PTPN7: variants seen among roughly 807,000 people sequenced by gnomAD.
The protein encoded by PTPN7 is protein tyrosine phosphatase non-receptor type 7.
Under a neutral mutation model 50.3 loss-of-function variants are expected in PTPN7, and 33 were observed. The observed-to-expected ratio is 0.66, with a 90% confidence interval of 0.50 to 0.88. The LOEUF is 0.88. PTPN7 is among the 40% of genes least tolerant of loss of function. The probability of loss-of-function intolerance (pLI) is 0.00; values close to 1 mark genes in which losing one functional copy is unlikely to be tolerated. For missense variants in PTPN7, 412 were observed against 475.4 expected (o/e 0.87, Z 1.24); for synonymous variants, 185 against 186.6 (o/e 0.99, Z 0.07).
rs1282153071 is a variant in PTPN7 at position 202,152,668 on chromosome 1, A to T, written c.749T>A (p.Ile250Asn). 3 of 1,613,838 alleles carry T rather than the reference A, an allele frequency of 1.9e-6. No homozygotes were observed. Among genetic ancestry groups the T allele is most frequent in the Non-Finnish European group, 1.7e-6 (2 of 1,179,992 alleles). The stretch of plus-strand genomic sequence containing the variant: ...ATGGTCTGGCCAGGCCGAAAAGAGG[A>T]TGTGCTTTACTGACCGGCGCTCTTC... ...YQEERRSVKH[I>N]LFSAWPDHQT... is the part of the protein sequence containing the mutation. Residue 250 changes from isoleucine (I) to asparagine (N), a missense_variant, in exon 8 of 10, where the codon ATC (isoleucine) becomes AAC (asparagine). Physicochemically the swap from Ile to Asn is moderately radical, Grantham distance 149. Transcript: ENST00000691036.
At chr1:202,150,134 T>C (rs1048555913) in intron 9 of PTPN7, 177 bp downstream of exon 9, 3 of 581,552 alleles carry the variant, frequency 5.2e-6, no homozygotes, top group African/African-American at 3.7e-5. Flanking sequence ...CACCCGGCCA[T>C]CCAGATAGAT....
chr1:202,161,519 C>T (rs984925297), upstream of PTPN7: 7 of 1,289,522 alleles, frequency 5.4e-6, no homozygotes, highest in African/African-American at 1.1e-4. Flanking sequence ...CCCTGCCTGA[C>T]CTTGGCAGGC....
intron 4 of PTPN7, among the ~76,000 whole-genome samples, chr1:202,156,573 T>C (rs1656682158): frequency 6.6e-6 from 1 of 152,212 alleles, no homozygotes; most frequent in African/African-American, 2.4e-5. Flanking sequence ...AGCCTGGTCA[T>C]GGACAGAAGG....
chr1:202,150,530 T>G, intron 8 of PTPN7, 106 bp from the exon 9 acceptor site: 1 of 855,330 alleles, frequency 1.2e-6, no homozygotes, highest in Middle Eastern at 3.5e-4. Context: ...GTGCTATATT[T>G]TGGGGATAGG....
intron 7 of PTPN7, 32 bp from the exon 8 acceptor site, chr1:202,152,731 T>A: frequency 6.2e-7 from 1 of 1,610,436 alleles, no homozygotes; most frequent in Non-Finnish European, 8.5e-7. Context: ...AGAACCAAGG[T>A]CAGGGTGGAG....
Position 202,158,158 on chromosome 1 carries a change from C to T in PTPN7, c.266G>A (p.Arg89His), listed in dbSNP as rs766874694. Residue 89 changes from arginine (R) to histidine (H), a missense_variant, in exon 3 of 10, where the codon CGC (arginine) becomes CAC (histidine). By Grantham distance (29) the Arg-to-His change is conservative. Transcript: ENST00000691036. ...CAGTTGCTTGGGGCTGGGTGGCTGG[C>T]GCTGAAGGGCCCAGCGGGTAAGGGG... Reference protein sequence around the residue: ...GHPLTRWALQRQPPSPKQLEE... With the variant: ...GHPLTRWALQHQPPSPKQLEE... The T allele has an allele frequency of 5.6e-6, 9 of 1,607,034 alleles. No individual in the cohort carries two copies. Among genetic ancestry groups the T allele is most frequent in the African/African-American group, 2.7e-5 (2 of 74,562 alleles).
At chr1:202,156,215 C>T (rs1262242986) in intron 4 of PTPN7, among the ~76,000 whole-genome samples, 2 of 152,132 alleles carry the variant, frequency 1.3e-5, no homozygotes, top group Admixed American at 1.3e-4. Flanking sequence ...GGGAACGGAA[C>T]AGCAGAGACC....
chr1:202,155,071 C>G (rs1216460252), intron 5 of PTPN7, among the ~76,000 whole-genome samples: 1 of 152,164 alleles, frequency 6.6e-6, no homozygotes, highest in Non-Finnish European at 1.5e-5. Flanking sequence ...CGTGGAACAC[C>G]CACCTGGCCT....
rs545079797 is a variant in PTPN7 at position 202,155,754 on chromosome 1, T to C, written c.392-145A>G. 60 of 650,648 alleles carry C rather than the reference T, an allele frequency of 9.2e-5. 1 individual carries two copies. In the South Asian group the frequency reaches 1.1e-3, roughly 12 times the overall value. 40.3% of individuals were successfully genotyped at this position (650,648 alleles called of 1,614,324 possible). ...GCAGGTGGCCTTACACCCACTGAAG[T>C]TGTTGTTTTTGTTGTTGTTTTTAGA... On this transcript the variant is annotated intron_variant, in intron 4 of 9. Coordinates refer to ENST00000691036, the MANE Select transcript of PTPN7 (RefSeq NM_002832.4).
At position 202,152,713 on chromosome 1, in the gene PTPN7, A is replaced by G. The variant is rs16849719; in HGVS notation, c.718-14T>C. ...CTCTTCCTGGTACTGGATTGGAGAC[A>G]AGGCATGAGAACCAAGGTCAGGGTG... On this transcript the variant is annotated splice_polypyrimidine_tract_variant and intron_variant, in intron 7 of 9. Coordinates refer to ENST00000691036, the MANE Select transcript of PTPN7 (RefSeq NM_002832.4). 15,792 of 1,613,394 alleles carry G rather than the reference A, an allele frequency of 9.8e-3. 445 individuals are homozygous for G. The highest frequency in any genetic ancestry group is 0.07 in the South Asian group (6,404 of 91,038).
At position 202,153,759 on chromosome 1, in the gene PTPN7, C is replaced by T; in HGVS notation, c.683G>A (p.Cys228Tyr). ...GAGCTGCCGCACAGTGTATTCTGGG[C>T]ACTCTTTCATGTCCTGGATGCGGAT... The part of the protein sequence containing the change: ...FQIRIQDMKE[C>Y]PEYTVRQLTI... Residue 228 changes from cysteine (C) to tyrosine (Y), a missense_variant, in exon 7 of 10, where the codon TGC (cysteine) becomes TAC (tyrosine). Physicochemically the swap from Cys to Tyr is radical, Grantham distance 194. Transcript: ENST00000691036. The T allele has an allele frequency of 6.2e-7, 1 of 1,614,106 alleles. No individual in the cohort carries two copies. Among genetic ancestry groups the T allele is most frequent in the Non-Finnish European group, 8.5e-7 (1 of 1,180,008 alleles).
At chr1:202,154,634 A>G (rs1477976245) in intron 5 of PTPN7, among the ~76,000 whole-genome samples, 2 of 152,216 alleles carry the variant, frequency 1.3e-5, no homozygotes, top group East Asian at 1.9e-4. Flanking sequence ...TGTAGAGTGG[A>G]TTAAATTCAG....
intron 4 of PTPN7, among the ~76,000 whole-genome samples, chr1:202,156,806 G>A (rs1656711766): frequency 6.6e-6 from 1 of 152,198 alleles, no homozygotes; most frequent in Admixed American, 6.5e-5. Context: ...GCTGGGAGTA[G>A]CTTCCCTGTA....
chr1:202,154,043 A>T, intron 6 of PTPN7, 143 bp downstream of exon 6: 1 of 1,252,872 alleles, frequency 8.0e-7, no homozygotes, highest in Non-Finnish European at 1.1e-6. Context: ...CCAGGGCTAT[A>T]TCTCAGGGAA....
chr1:202,159,217 A>G lies in PTPN7; in HGVS notation c.122+64T>C. 2 of 1,519,680 alleles carry G rather than the reference A, an allele frequency of 1.3e-6. No homozygotes were observed. The allele number at this position is 1,519,680 out of a possible 1,614,324, so 94.1% of individuals were successfully genotyped here. ...TGTCAGAGCTGGAGGGGCAGATGGAAGGAAGGGAGGAGCGGAATGGGGGCT... is the reference window on the plus strand; with the variant it reads ...TGTCAGAGCTGGAGGGGCAGATGGAGGGAAGGGAGGAGCGGAATGGGGGCT... On this transcript the variant is annotated intron_variant, in intron 2 of 9. Coordinates refer to ENST00000691036, the MANE Select transcript of PTPN7 (RefSeq NM_002832.4). This position sits in a 1 kb window ranked among gnomAD's most constrained non-coding sequence, Gnocchi z 4.6.
chr1:202,159,416 G>A lies in PTPN7; in HGVS notation c.-14C>T. 1 of 1,614,178 alleles carries A rather than the reference G, an allele frequency of 6.2e-7. No individual in the cohort carries two copies. The highest frequency in any genetic ancestry group is 1.1e-5 in the South Asian group (1 of 91,092). ...GGCTTGGACCATGCTGAGGTGGGGT[G>A]CTGGGCCCAGGGGAGGCTCACTCAG... On this transcript the variant is annotated 5_prime_UTR_variant, in exon 2 of 10. Transcript: ENST00000691036. This position sits in a 1 kb window ranked among gnomAD's most constrained non-coding sequence, Gnocchi z 4.6.
rs759890321 is a variant in PTPN7, at chr1:202,150,320, C to T, written c.980G>A (p.Arg327Gln). 9 of 1,610,832 alleles carry T rather than the reference C, an allele frequency of 5.6e-6. No homozygotes were observed. Among genetic ancestry groups the T allele is most frequent in the African/African-American group, 4.0e-5 (3 of 74,862 alleles). Reference protein sequence around the residue: ...VDILGIVCQLRLDRGGMIQTA... With the variant: ...VDILGIVCQLQLDRGGMIQTA... ...ACACCCACAGACCCACCTGTCTAGC[C>T]GCAGTTGGCACACAATACCCAGAAT... Residue 327 changes from arginine to glutamine, a missense_variant, in exon 9 of 10, where the codon CGG (arginine) becomes CAG (glutamine). Coordinates refer to ENST00000691036, the MANE Select transcript of PTPN7 (RefSeq NM_002832.4).
In PTPN7 at chr1:202,159,342, C is replaced by T. The variant is rs144195359; in HGVS notation, c.61G>A (p.Ala21Thr). The change falls in exon 2 of 10, where the codon GCC becomes ACC. Residue 21 changes from alanine to threonine, a missense_variant. By Grantham distance (58) the Ala-to-Thr change is moderately conservative. Coordinates refer to ENST00000691036, the MANE Select transcript of PTPN7 (RefSeq NM_002832.4). The surrounding 1 kb of genome is among the most constrained non-coding windows in gnomAD (Gnocchi z 4.6). ...AQPLTLSLGA[A>T]MTQPPPEKTP... Reference sequence around the variant, plus strand: ...TTTTCAGGCGGAGGCTGGGTCATGGCTGCCCCCAAAGACAAGGTCAACGGC... The same window carrying T: ...TTTTCAGGCGGAGGCTGGGTCATGGTTGCCCCCAAAGACAAGGTCAACGGC... 2 of 1,614,090 alleles carry T rather than the reference C, an allele frequency of 1.2e-6. No homozygotes were observed. The highest frequency in any genetic ancestry group is 2.7e-5 in the African/African-American group (2 of 74,930).
intron 7 of PTPN7, among the ~76,000 whole-genome samples, 178 bp downstream of exon 7, chr1:202,153,547 C>T (rs1190929823): frequency 1.3e-5 from 2 of 152,220 alleles, no homozygotes; most frequent in African/African-American, 4.8e-5. Context: ...CTTATTGGCT[C>T]TGCCCTATTA....
Sources: allele counts gnomAD v4.1 joint callset (sites outside exome capture counted in the v4.1 genomes callset), GRCh38; gene constraint gnomAD v4.1.1; non-coding constraint Gnocchi (gnomAD v3.1); transcripts MANE v1.5; gene names NCBI Gene and HGNC (gene_info 2026-07-23, HGNC 2026-07-21).